ELP4: variants seen among roughly 807,000 people sequenced by gnomAD.
ELP4 encodes elongator complex protein 4.
ELP4 carries 51 observed loss-of-function variants against 48.9 expected under a neutral mutation model. The ratio of observed to expected loss-of-function variants is 1.04; its 90% CI spans 0.83 to 1.32. The LOEUF (loss-of-function observed/expected upper bound fraction) is 1.32, where lower values mean the gene tolerates loss of function less well. Ranked by LOEUF, ELP4 falls within the 40% of genes most tolerant of loss-of-function variation. ELP4 has a pLI of 0.00. For synonymous variants in ELP4, 210 were observed against 189.2 expected, an observed-to-expected ratio of 1.11 and a Z score of -0.90; for missense variants, 519 against 514.6, an observed-to-expected ratio of 1.01 and a Z score of -0.08.
At chr11:31,717,531 G>A (rs1592249510) in intron 9 of ELP4, among the ~76,000 whole-genome samples, 1 of 151,998 alleles carries the variant, frequency 6.6e-6, no homozygotes, top group South Asian at 2.1e-4. Flanking sequence ...TGAAGTGGGC[G>A]GATCACAAGG....
intron 3 of ELP4, among the ~76,000 whole-genome samples, chr11:31,591,173 A>C (rs1305796728): frequency 6.6e-6 from 1 of 152,082 alleles, no homozygotes; most frequent in East Asian, 1.9e-4. Context: ...TTAGGAGACC[A>C]AGGTGGGTGG....
rs1454119411 is a variant in ELP4, at chr11:31,607,222, G to GC, written c.653+3321dup. ...AATGAGAAAATAAATTCCTGTTTAA[G>GC]CCCCCCAATCTATGGTATTTTGTTA... On this transcript the variant is annotated intron_variant, in intron 5 of 9. Transcript: ENST00000640961. Among the ~76,000 whole-genome samples, 73 of 152,240 alleles carry GC rather than the reference G, an allele frequency of 4.8e-4. 1 individual carries two copies. The highest frequency in any genetic ancestry group is 1.5e-4 in the Non-Finnish European group (10 of 68,010).
At chr11:31,714,809 G>T (rs967810703) in intron 9 of ELP4, 6 of 397,958 alleles carry the variant, frequency 1.5e-5, no homozygotes, top group African/African-American at 8.3e-5. Context: ...CAACTCTCTG[G>T]TTTTTTTTCT....
rs186857949 is a variant in ELP4, at chr11:31,596,971, T to C, written c.513+2070T>C. ...GTCCTGCTATTTTTCTCTTATCAAA[T>C]TGACAATGATCTAACTTGGTAAGAC... On this transcript the variant is annotated intron_variant, in intron 4 of 9. Coordinates refer to ENST00000640961, the MANE Select transcript of ELP4 (RefSeq NM_019040.5). Among the ~76,000 whole-genome samples, 23 of 152,282 alleles carry C rather than the reference T, an allele frequency of 1.5e-4. No homozygotes were observed. The East Asian group carries it at 3.1e-3, about 20-fold the overall frequency.
chr11:31,511,417 T>G (rs542623404), intron 1 of ELP4: 1 of 152,328 alleles, frequency 6.6e-6, no homozygotes, highest in East Asian at 1.9e-4. Flanking sequence ...ATGTCTTCAG[T>G]TCCTCATTAG....
chr11:31,702,938 A>C (rs1043668476), intron 9 of ELP4, among the ~76,000 whole-genome samples: 1 of 152,192 alleles, frequency 6.6e-6, no homozygotes, highest in Admixed American at 6.5e-5. Flanking sequence ...TATGTAAAGC[A>C]CTTAGAACAG....
Position 31,787,781 on chromosome 11 carries a change from A to T in ELP4, c.*4257A>T, listed in dbSNP as rs1052323511. 1 of 227,120 alleles carries T rather than the reference A, an allele frequency of 4.4e-6. No homozygotes were observed. The highest frequency in any genetic ancestry group is 2.2e-5 in the African/African-American group (1 of 45,060). 14.1% of individuals were successfully genotyped at this position (227,120 alleles called of 1,614,324 possible). A position where few individuals can be genotyped will look rare whatever the true frequency, so the allele number is the denominator to read the frequency against. ...TATTAGTATATTTCATGCCGGAGCA[A>T]TGAATCTCAATTATCTGTTCACAAG... On this transcript the variant is annotated 3_prime_UTR_variant, in exon 10 of 10. Transcript: ENST00000640961.
intron 2 of ELP4, among the ~76,000 whole-genome samples, chr11:31,531,458 C>G (rs1275399540): frequency 1.3e-5 from 2 of 152,196 alleles, no homozygotes; most frequent in Admixed American, 1.3e-4. Flanking sequence ...CCAGAGCACA[C>G]TGATATCTTA....
intron 3 of ELP4, among the ~76,000 whole-genome samples, chr11:31,590,645 A>C (rs1421009262): frequency 6.6e-6 from 1 of 152,204 alleles, no homozygotes; most frequent in Non-Finnish European, 1.5e-5. Flanking sequence ...ACAGATCTGC[A>C]AGCTGTACAG....
chr11:31,702,521 A>G (rs1946547477), intron 9 of ELP4, among the ~76,000 whole-genome samples: 1 of 152,022 alleles, frequency 6.6e-6, no homozygotes, highest in African/African-American at 2.4e-5. Context: ...ATGCCACTGA[A>G]CTGTACATTT....
intron 9 of ELP4, among the ~76,000 whole-genome samples, chr11:31,673,167 C>T (rs1157037735): frequency 1.3e-5 from 2 of 152,044 alleles, no homozygotes; most frequent in Non-Finnish European, 2.9e-5. Context: ...CAGGTGTGCA[C>T]CACCATGTCC....
chr11:31,775,844 A>T (rs1948234367), intron 9 of ELP4, among the ~76,000 whole-genome samples: 1 of 152,156 alleles, frequency 6.6e-6, no homozygotes, highest in Non-Finnish European at 1.5e-5. Context: ...ACATGCCTGT[A>T]GTCCCAGCTA....
chr11:31,774,952 C>CA (rs1948215263), intron 9 of ELP4, among the ~76,000 whole-genome samples: 1 of 152,154 alleles, frequency 6.6e-6, no homozygotes, highest in Admixed American at 6.5e-5. Flanking sequence ...AGCCTGTACC[C>CA]ATTCTGTCTT....
intron 1 of ELP4, among the ~76,000 whole-genome samples, chr11:31,515,151 A>G (rs1956088621): frequency 1.3e-5 from 2 of 151,966 alleles, no homozygotes; most frequent in African/African-American, 2.4e-5. Context: ...AATGAGTTAC[A>G]TCTTATTCCC....
At chr11:31,622,632 T>G (rs551787466) in intron 5 of ELP4, among the ~76,000 whole-genome samples, 1 of 151,816 alleles carries the variant, frequency 6.6e-6, no homozygotes, top group African/African-American at 2.4e-5. Context: ...AGTTTGTTGA[T>G]AGGAATTAAA....
At chr11:31,665,482 G>T (rs1945652565) in intron 9 of ELP4, among the ~76,000 whole-genome samples, 1 of 151,874 alleles carries the variant, frequency 6.6e-6, no homozygotes, top group Non-Finnish European at 1.5e-5. Context: ...TTCACCGTGT[G>T]TTTAAAAACT....
intron 4 of ELP4, among the ~76,000 whole-genome samples, chr11:31,597,184 C>T (rs1957683496): frequency 6.6e-6 from 1 of 152,148 alleles, no homozygotes; most frequent in African/African-American, 2.4e-5. Context: ...TACACATGAG[C>T]TATTCATACA....
chr11:31,587,355 TA>T (rs1321309900), intron 3 of ELP4, among the ~76,000 whole-genome samples: 2 of 151,988 alleles, frequency 1.3e-5, no homozygotes, highest in African/African-American at 2.4e-5. Context: ...ACTGAAGTAA[TA>T]GGGGGGAAAA....
chr11:31,573,761 GTATT>G (rs1316728044), intron 3 of ELP4: 1 of 148,480 alleles, frequency 6.7e-6, no homozygotes, highest in Non-Finnish European at 1.5e-5. Flanking sequence ...CAAACATTGA[GTATT>G]TATCTCTTTT....
Sources: gnomAD v4.1 joint callset for allele counts (sites outside exome capture counted in the v4.1 genomes callset) on GRCh38, gnomAD v4.1.1 for gene constraint, MANE v1.5 for transcripts, NCBI Gene and HGNC (gene_info 2026-07-23, HGNC 2026-07-21) for gene names.